Variants in C7 observed in about 807,000 individuals in gnomAD.
C7 encodes complement component C7.
In C7, 83 loss-of-function variants were observed where a neutral mutation model predicts 104.8. The observed-to-expected ratio is 0.79, with a 90% CI of 0.66 to 0.95. The LOEUF is 0.95. Ranked by LOEUF, C7 falls within the 40% of genes least tolerant of loss-of-function variation. The pLI is 0.00. For missense variants in C7, 1,070 were observed against 1,011.2 expected, an observed-to-expected ratio of 1.06 and a Z score of -0.79; for synonymous variants, 415 against 360.6, an observed-to-expected ratio of 1.15 and a Z score of -1.71.
chr5:40,930,510 A>G (rs1052098287), intron 2 of C7, among the ~76,000 whole-genome samples: 1 of 151,176 alleles, frequency 6.6e-6, no homozygotes, highest in Non-Finnish European at 1.5e-5. Flanking sequence ...CCGGCCAATG[A>G]CCTACCTCTT....
intron 13 of C7, among the ~76,000 whole-genome samples, chr5:40,962,767 T>C (rs1205985380): frequency 6.6e-6 from 1 of 152,208 alleles, no homozygotes; most frequent in Non-Finnish European, 1.5e-5. Context: ...ATGACGAGGC[T>C]TTGGCCTGAA....
intron 1 of C7, among the ~76,000 whole-genome samples, chr5:40,927,865 C>T (rs1053792077): frequency 3.9e-5 from 6 of 152,068 alleles, no homozygotes; most frequent in Admixed American, 6.6e-5. Flanking sequence ...TAAATTAGTA[C>T]AGCTCTTATA....
At chr5:40,961,390 CT>C (rs34613494) in intron 12 of C7, among the ~76,000 whole-genome samples, 10,474 of 146,884 alleles carry the variant, frequency 0.071, 1,160 homozygotes, top group African/African-American at 0.24. Context: ...TTACCTTCTT[CT>C]TTTTTTTTTT....
chr5:40,976,570 C>A, intron 15 of C7, 180 bp from the exon 16 acceptor site: 1 of 418,118 alleles, frequency 2.4e-6, no homozygotes, highest in African/African-American at 2.0e-5. Context: ...TAATGTGACT[C>A]TAGAAACTCT....
rs972646766 is a variant in C7 at position 40,984,233 on chromosome 5, G to A, written c.*2660G>A. Among the ~76,000 whole-genome samples, 9 of 152,180 alleles carry A rather than the reference G, an allele frequency of 5.9e-5. No homozygotes were observed. Among genetic ancestry groups the A allele is most frequent in the African/African-American group, 2.2e-4 (9 of 41,438 alleles). On this transcript the variant is annotated 3_prime_UTR_variant, in exon 18 of 18. Coordinates refer to ENST00000313164, the MANE Select transcript of C7 (RefSeq NM_000587.4). The stretch of plus-strand genomic sequence containing the variant: ...GTTATTAATGTAACCTTCTTTCCCA[G>A]TGCAGGATGACTTGTAATCACCTTG...
At chr5:40,979,670 C>A in intron 16 of C7, 55 bp from the exon 17 acceptor site, 1 of 1,469,142 alleles carries the variant, frequency 6.8e-7, no homozygotes, top group South Asian at 1.3e-5. Context: ...ATTTCTCCTT[C>A]TCAGCTTTTA....
chr5:40,971,070 G>A (rs12515206), intron 14 of C7, among the ~76,000 whole-genome samples: 1 of 152,112 alleles, frequency 6.6e-6, no homozygotes, highest in East Asian at 1.9e-4. Flanking sequence ...CTTTACAGTA[G>A]AATGATTTAT....
In C7 at chr5:40,959,619, A is replaced by G; in HGVS notation, c.1660A>G (p.Arg554Gly). Residue 554 changes from arginine to glycine, a missense_variant and splice_region_variant, in exon 12 of 18, where the codon AGG becomes GGG. By Grantham distance (125) the Arg-to-Gly change is moderately radical. Transcript: ENST00000313164. ...CGAAGATGAGGAGCTGGAGCACTTG[A>G]GGTAATGGAGACCCGACCCCCTGGC... ...QCEDEELEHLRLLEPHCFPLS... is the reference protein window; with the variant it reads ...QCEDEELEHLGLLEPHCFPLS... 6.3e-7 allele frequency: 1 copy of G among 1,582,544 alleles called. No individual in the cohort carries two copies. Among genetic ancestry groups the G allele is most frequent in the Non-Finnish European group, 8.6e-7 (1 of 1,164,410 alleles).
At chr5:40,928,845 T>A (rs561633039) in intron 2 of C7, among the ~76,000 whole-genome samples, 15 of 152,304 alleles carry the variant, frequency 9.8e-5, no homozygotes, top group Middle Eastern at 3.4e-3. Context: ...TCTTGTAAAA[T>A]TATTTTTAAA....
chr5:40,976,239 TG>T (rs1463180546), intron 15 of C7, among the ~76,000 whole-genome samples: 2 of 152,212 alleles, frequency 1.3e-5, no homozygotes, highest in African/African-American at 4.8e-5. Context: ...ATAAGGCAAG[TG>T]ATGTTGCTGC....
intron 11 of C7, 107 bp from the exon 12 acceptor site, chr5:40,959,342 A>G: frequency 2.1e-6 from 2 of 972,108 alleles, no homozygotes; most frequent in Non-Finnish European, 3.0e-6. Context: ...GGTAATCAAT[A>G]TCCAGAATGA....
intron 14 of C7, among the ~76,000 whole-genome samples, chr5:40,965,308 TAA>T (rs1027775665): frequency 5.9e-5 from 9 of 152,202 alleles, no homozygotes; most frequent in East Asian, 1.9e-4. Flanking sequence ...TCTTGCAATA[TAA>T]GTTTGTTCAG....
chr5:40,957,565 C>T (rs2111660843), intron 10 of C7, among the ~76,000 whole-genome samples: 1 of 152,180 alleles, frequency 6.6e-6, no homozygotes. Flanking sequence ...AAGTGATTCT[C>T]CTGCCTCAAC....
intron 7 of C7, among the ~76,000 whole-genome samples, chr5:40,946,048 T>A (rs1248259873): frequency 6.6e-6 from 1 of 151,742 alleles, no homozygotes; most frequent in Non-Finnish European, 1.5e-5. Flanking sequence ...CTGGTGATAC[T>A]ATTTTAAGTG....
At chr5:40,964,925 G>T in intron 14 of C7, 52 bp downstream of exon 14, 1 of 1,597,830 alleles carries the variant, frequency 6.3e-7, no homozygotes, top group South Asian at 1.1e-5. Context: ...ACGTGGAAGA[G>T]AATGAATCAA....
chr5:40,950,487 T>G (rs1310889894), intron 9 of C7, among the ~76,000 whole-genome samples: 1 of 151,908 alleles, frequency 6.6e-6, no homozygotes, highest in Non-Finnish European at 1.5e-5. Flanking sequence ...TCTTCGCTAT[T>G]GTGAATAATT....
intron 13 of C7, among the ~76,000 whole-genome samples, chr5:40,962,533 T>C (rs1438731714): frequency 1.3e-5 from 2 of 152,212 alleles, no homozygotes; most frequent in African/African-American, 2.4e-5. Context: ...ACTGACTTTT[T>C]TTTTTCCCCC....
Position 40,962,084 on chromosome 5 carries a change from G to T in C7, c.1662-1G>T. On this transcript the variant is annotated splice_acceptor_variant, in intron 12 of 17. Coordinates refer to ENST00000313164, the MANE Select transcript of C7 (RefSeq NM_000587.4). LOFTEE classifies it high-confidence loss of function. ...ATTAATTACATTTTTTTTCCTTCCAGGTTGCTTGAACCACATTGCTTTCCT... is the reference window on the plus strand; with the variant it reads ...ATTAATTACATTTTTTTTCCTTCCATGTTGCTTGAACCACATTGCTTTCCT... 1 of 1,504,300 alleles carries T rather than the reference G, an allele frequency of 6.6e-7. No homozygotes were observed. The highest frequency in any genetic ancestry group is 1.4e-5 in the South Asian group (1 of 72,924). 93.2% of individuals were successfully genotyped at this position (1,504,300 alleles called of 1,614,324 possible).
intron 10 of C7, 82 bp downstream of exon 10, chr5:40,955,635 G>T (rs1740274954): frequency 5.5e-6 from 7 of 1,271,792 alleles, no homozygotes; most frequent in Non-Finnish European, 7.7e-6. Context: ...AATCAAGATG[G>T]TTAAACAGAC....
Sources: allele counts gnomAD v4.1 joint callset (sites outside exome capture counted in the v4.1 genomes callset), GRCh38; gene constraint gnomAD v4.1.1; transcripts MANE v1.5; gene names NCBI Gene and HGNC (gene_info 2026-07-23, HGNC 2026-07-21).